SLC2A9: variants seen among roughly 807,000 people sequenced by gnomAD.
The protein encoded by SLC2A9 is solute carrier family 2 member 9.
In SLC2A9, 39 loss-of-function variants were observed where a neutral mutation model predicts 50.6. The ratio of observed to expected loss-of-function variants is 0.77; its 90% confidence interval spans 0.60 to 1.01. The LOEUF is 1.01. Ranked by LOEUF, SLC2A9 falls within the 50% of genes least tolerant of loss-of-function variation. The probability of loss-of-function intolerance (pLI) is 0.00; values close to 1 mark genes in which losing one functional copy is unlikely to be tolerated. For synonymous variants in SLC2A9, 324 were observed against 276.9 expected (o/e 1.17, Z -1.69); for missense variants, 686 against 677.6 (o/e 1.01, Z -0.14).
chr4:10,013,690 G>A (rs1209652055), intron 2 of SLC2A9, among the ~76,000 whole-genome samples: 1 of 152,204 alleles, frequency 6.6e-6, no homozygotes, highest in Non-Finnish European at 1.5e-5. Context: ...GGAGCACTGA[G>A]CGTTTTTAAG....
At chr4:9,842,181 G>A (rs2109225929) in intron 10 of SLC2A9, among the ~76,000 whole-genome samples, 3 of 152,266 alleles carry the variant, frequency 2.0e-5, no homozygotes, top group Middle Eastern at 6.8e-3. Flanking sequence ...TTTGCAGGAG[G>A]AAGGTTCTGT....
At chr4:9,958,729 C>G (rs1220237910) in intron 5 of SLC2A9, among the ~76,000 whole-genome samples, 1 of 152,012 alleles carries the variant, frequency 6.6e-6, no homozygotes, top group Non-Finnish European at 1.5e-5. Flanking sequence ...GGCAAGAATC[C>G]CAGGACTGTT....
In SLC2A9 at chr4:9,826,484, C is replaced by G; in HGVS notation, c.1536G>C (p.Gln512His). ...ATGCTTTGTTCCTTTTGGAAAATGCCTGGCTGATTTCTGCATAGGTTCTGT... is the reference window on the plus strand; with the variant it reads ...ATGCTTTGTTCCTTTTGGAAAATGCGTGGCTGATTTCTGCATAGGTTCTGT... The part of the protein sequence containing the change: ...TKNRTYAEIS[Q>H]AFSKRNKAYP... Residue 512 changes from glutamine (Q) to histidine (H), a missense_variant, in exon 12 of 12, where the codon CAG becomes CAC. Physicochemically the swap from Gln to His is conservative, Grantham distance 24 (BLOSUM62 0). Coordinates refer to ENST00000264784, the MANE Select transcript of SLC2A9 (RefSeq NM_020041.3). The G allele has an allele frequency of 6.2e-7, 1 of 1,614,036 alleles. No individual in the cohort carries two copies. Among genetic ancestry groups the G allele is most frequent in the African/African-American group, 1.3e-5 (1 of 75,008 alleles).
intron 1 of SLC2A9, among the ~76,000 whole-genome samples, chr4:10,039,543 G>A (rs571143096): frequency 2.6e-5 from 4 of 152,258 alleles, no homozygotes; most frequent in South Asian, 4.2e-4. Flanking sequence ...GCTAGGTGAC[G>A]CCTAAATAAC....
chr4:9,827,606 A>G (rs1244812541), intron 11 of SLC2A9, among the ~76,000 whole-genome samples: 1 of 152,222 alleles, frequency 6.6e-6, no homozygotes, highest in African/African-American at 2.4e-5. Flanking sequence ...TCTACCATTT[A>G]CTAAATCTGA....
intron 3 of SLC2A9, chr4:9,783,147 TG>T: frequency 6.2e-7 from 1 of 1,614,252 alleles, no homozygotes; most frequent in Non-Finnish European, 8.5e-7. Context: ...GCCCAGCTGC[TG>T]GGGTGCAGCC....
chr4:9,863,079 G>C (rs907685913), intron 10 of SLC2A9, among the ~76,000 whole-genome samples: 1 of 152,014 alleles, frequency 6.6e-6, no homozygotes, highest in Non-Finnish European at 1.5e-5. Flanking sequence ...CGGGGACCGA[G>C]AAATGTCTCT....
chr4:9,958,246 A>C (rs555008416), intron 5 of SLC2A9, among the ~76,000 whole-genome samples: 6 of 152,346 alleles, frequency 3.9e-5, no homozygotes, highest in Admixed American at 1.3e-4. Context: ...CTTTGTCTTC[A>C]TTGCATGTTT....
intron 8 of SLC2A9, among the ~76,000 whole-genome samples, chr4:9,897,038 G>A (rs1055079425): frequency 1.2e-4 from 18 of 152,098 alleles, no homozygotes; most frequent in African/African-American, 3.6e-4. Flanking sequence ...CTTGGGGTAG[G>A]TGCTGTTATC....
At chr4:9,887,840 T>C (rs1457176899) in intron 9 of SLC2A9, among the ~76,000 whole-genome samples, 198 bp from the exon 10 acceptor site, 2 of 152,202 alleles carry the variant, frequency 1.3e-5, no homozygotes, top group Non-Finnish European at 2.9e-5. Context: ...TTTATAGCCA[T>C]GATGAAATCA....
chr4:9,826,392 A>G lies in SLC2A9; in HGVS notation c.*5T>C. ...ATAATTGTCCAACGTGGAGGAGGAA[A>G]CTTGTTAAGGCCTTCCATTTATCTT... On this transcript the variant is annotated 3_prime_UTR_variant, in exon 12 of 12. Coordinates refer to ENST00000264784, the MANE Select transcript of SLC2A9 (RefSeq NM_020041.3). 1 of 1,613,966 alleles carries G rather than the reference A, an allele frequency of 6.2e-7. No individual in the cohort carries two copies. Among genetic ancestry groups the G allele is most frequent in the Non-Finnish European group, 8.5e-7 (1 of 1,179,860 alleles).
At chr4:9,832,496 T>C (rs1378886874) in intron 11 of SLC2A9, among the ~76,000 whole-genome samples, 2 of 152,136 alleles carry the variant, frequency 1.3e-5, no homozygotes, top group South Asian at 2.1e-4. Context: ...CCGATGAAGG[T>C]TCATCAATAG....
chr4:9,944,471 G>A (rs4697701), intron 5 of SLC2A9, among the ~76,000 whole-genome samples: 58,940 of 152,104 alleles, frequency 0.39, 12,714 homozygotes, highest in African/African-American at 0.57. Context: ...ATACAAGGAC[G>A]TGTGGACTCT....
At chr4:9,803,630 T>C (rs538211123) in intron 3 of SLC2A9, among the ~76,000 whole-genome samples, 43 of 152,334 alleles carry the variant, frequency 2.8e-4, no homozygotes, top group Middle Eastern at 6.8e-3. Context: ...AGACATGCTC[T>C]ATCACACTCT....
At chr4:9,778,806 C>CTTTT (rs201631344), downstream of SLC2A9, among the ~76,000 whole-genome samples, 22 of 151,610 alleles carry the variant, frequency 1.5e-4, no homozygotes, top group Admixed American at 3.3e-4. Flanking sequence ...ATCACAGTTT[C>CTTTT]TTTTTTTTTC....
At chr4:10,016,537 G>A (rs1762636563) in intron 2 of SLC2A9, among the ~76,000 whole-genome samples, 1 of 152,004 alleles carries the variant, frequency 6.6e-6, no homozygotes, top group South Asian at 2.1e-4. Flanking sequence ...AACGGTAAAG[G>A]CCACCCTGGC....
chr4:9,827,221 C>T (rs1290928454), intron 11 of SLC2A9, among the ~76,000 whole-genome samples: 2 of 152,238 alleles, frequency 1.3e-5, no homozygotes, highest in Non-Finnish European at 2.9e-5. Context: ...AGACCTTGAG[C>T]TTCTCAGTGA....
At chr4:9,906,174 A>G (rs974608809) in intron 8 of SLC2A9, among the ~76,000 whole-genome samples, 1 of 152,182 alleles carries the variant, frequency 6.6e-6, no homozygotes, top group African/African-American at 2.4e-5. Flanking sequence ...TGGCTTTTAG[A>G]AGTGGGGAAA....
Position 9,931,985 on chromosome 4 carries a change from T to TATATATAC in SLC2A9, c.814+9927_814+9928insGTATATAT, listed in dbSNP as rs1553879030. On this transcript the variant is annotated intron_variant, in intron 6 of 11. Transcript: ENST00000264784. ...CTCTATATATATATATATATATATATATATATATATATATGCCTTGCCTGA... is the reference window on the plus strand; with the variant it reads ...CTCTATATATATATATATATATATATATATATACATATATATATATATGCCTTGCCTGA... Among the ~76,000 whole-genome samples the TATATATAC allele has an allele frequency of 7.1e-3, 682 of 95,446 alleles. 28 individuals carry two copies. The highest frequency in any genetic ancestry group is 0.01 in the Non-Finnish European group (462 of 46,024). The allele number at this position is 95,446 out of a possible 152,430, so 62.6% of individuals were successfully genotyped here. A position where few individuals can be genotyped will look rare whatever the true frequency, so the allele number is the denominator to read the frequency against.
Sources: gnomAD v4.1 joint callset for allele counts (sites outside exome capture counted in the v4.1 genomes callset) on GRCh38, gnomAD v4.1.1 for gene constraint, MANE v1.5 for transcripts, NCBI Gene and HGNC (gene_info 2026-07-23, HGNC 2026-07-21) for gene names.